Variants in TTC6 observed in about 807,000 individuals in gnomAD.
TTC6 encodes tetratricopeptide repeat protein 6.
In TTC6, 172 loss-of-function variants were observed where a neutral mutation model predicts 210.4. The ratio of observed to expected loss-of-function variants is 0.82; its 90% CI spans 0.72 to 0.93. TTC6 has a LOEUF of 0.93. Ranked by LOEUF, TTC6 falls within the 40% of genes least tolerant of loss-of-function variation. The pLI, the probability that TTC6 is intolerant of heterozygous loss-of-function variation, is 0.00. For synonymous variants in TTC6, 804 were observed against 819.6 expected (o/e 0.98, Z 0.32); for missense variants, 2,414 against 2,318.1 (o/e 1.04, Z -0.85).
intron 26 of TTC6, among the ~76,000 whole-genome samples, chr14:37,817,895 T>C (rs188563937): frequency 3.1e-4 from 47 of 152,272 alleles, no homozygotes; most frequent in African/African-American, 9.1e-4. Context: ...GGCAAATGCT[T>C]CCATCATGGC....
chr14:37,753,853 G>A (rs916333918), intron 14 of TTC6, among the ~76,000 whole-genome samples: 6 of 148,892 alleles, frequency 4.0e-5, no homozygotes, highest in African/African-American at 7.5e-5. Context: ...ATTAAACTTC[G>A]TGCATTGTAC....
chr14:37,607,191 A>G (rs182512646), intron 2 of TTC6, among the ~76,000 whole-genome samples: 2 of 152,350 alleles, frequency 1.3e-5, no homozygotes, highest in Admixed American at 1.3e-4. Context: ...GAGCTTTGCT[A>G]TAAATCAAGG....
At chr14:37,830,302 A>T (rs905955475) in intron 29 of TTC6, among the ~76,000 whole-genome samples, 4 of 152,072 alleles carry the variant, frequency 2.6e-5, no homozygotes, top group Non-Finnish European at 4.4e-5. Flanking sequence ...AGTTTTACCA[A>T]GGTATTCCTT....
chr14:37,674,867 A>G (rs2095765581), intron 1 of TTC6, among the ~76,000 whole-genome samples: 1 of 152,098 alleles, frequency 6.6e-6, no homozygotes, highest in African/African-American at 2.4e-5. Context: ...TTTACATTAC[A>G]TGTCTTTTTT....
intron 14 of TTC6, among the ~76,000 whole-genome samples, chr14:37,770,498 G>A (rs997176687): frequency 2.0e-5 from 3 of 151,636 alleles, no homozygotes; most frequent in Non-Finnish European, 2.9e-5. Context: ...TGTATTGGGT[G>A]CATATATATT....
At chr14:37,704,574 T>A (rs532443105) in intron 5 of TTC6, among the ~76,000 whole-genome samples, 1 of 152,268 alleles carries the variant, frequency 6.6e-6, no homozygotes, top group East Asian at 1.9e-4. Flanking sequence ...TCTGGAGTTG[T>A]CATTTATCTC....
chr14:37,762,320 C>T (rs549827943), intron 14 of TTC6, among the ~76,000 whole-genome samples: 2 of 152,240 alleles, frequency 1.3e-5, no homozygotes, highest in South Asian at 2.1e-4. Flanking sequence ...ATACTGATTT[C>T]AAATACTTTG....
At chr14:37,654,343 C>G (rs2095718018) in intron 1 of TTC6, among the ~76,000 whole-genome samples, 1 of 151,898 alleles carries the variant, frequency 6.6e-6, no homozygotes, top group Non-Finnish European at 1.5e-5. Context: ...TCACATTGCC[C>G]CATAAATATA....
At chr14:37,825,195 T>G (rs1420105849) in intron 27 of TTC6, among the ~76,000 whole-genome samples, 13 of 152,150 alleles carry the variant, frequency 8.5e-5, no homozygotes. Flanking sequence ...ACAGATGTGG[T>G]CTGGAGCAGA....
chr14:37,647,991 G>A (rs537473083), intron 1 of TTC6, among the ~76,000 whole-genome samples: 2 of 151,992 alleles, frequency 1.3e-5, no homozygotes, highest in African/African-American at 4.8e-5. Context: ...TAACCATAGC[G>A]TTATAACTAT....
chr14:37,776,815 G>T (rs946893275), intron 14 of TTC6, among the ~76,000 whole-genome samples: 15 of 151,920 alleles, frequency 9.9e-5, no homozygotes, highest in African/African-American at 3.1e-4. Flanking sequence ...AATCTGGGTT[G>T]GGCGGGGGCG....
intron 14 of TTC6, among the ~76,000 whole-genome samples, chr14:37,783,741 C>G (rs2096061019): frequency 6.7e-6 from 1 of 149,698 alleles, no homozygotes; most frequent in Non-Finnish European, 1.5e-5. Flanking sequence ...CATTTTAGAT[C>G]TTTCCTGCTT....
chr14:37,661,208 A>G (rs1189552035), intron 1 of TTC6, among the ~76,000 whole-genome samples: 1 of 152,000 alleles, frequency 6.6e-6, no homozygotes, highest in Non-Finnish European at 1.5e-5. Flanking sequence ...CCGTTTGTCA[A>G]TTTTTGCTTT....
At chr14:37,651,114 GAGA>G (rs1015281552) in intron 1 of TTC6, among the ~76,000 whole-genome samples, 55 of 152,030 alleles carry the variant, frequency 3.6e-4, no homozygotes, top group African/African-American at 1.3e-3. Context: ...TTAGAAAATG[GAGA>G]AGAATTTCGT....
At chr14:37,792,171 A>T (rs2096081350) in intron 16 of TTC6, 93 bp from the exon 19 acceptor site, 6 of 968,110 alleles carry the variant, frequency 6.2e-6, no homozygotes, top group Non-Finnish European at 7.3e-6. Flanking sequence ...ATGAATACTG[A>T]TGCATCTGTT....
chr14:37,771,317 G>C (rs867854891), intron 14 of TTC6, among the ~76,000 whole-genome samples: 3 of 151,844 alleles, frequency 2.0e-5, no homozygotes, highest in Non-Finnish European at 2.9e-5. Context: ...TCTTTGTGGC[G>C]TTCTCTGTAT....
chr14:37,717,446 T>TTA (rs1206220511), intron 6 of TTC6, among the ~76,000 whole-genome samples: 1 of 152,126 alleles, frequency 6.6e-6, no homozygotes, highest in East Asian at 1.9e-4. Context: ...ATTTGATTGT[T>TTA]TAGATGACGT....
chr14:37,832,334 T>A (rs1449493376), intron 29 of TTC6, among the ~76,000 whole-genome samples: 2 of 8,944 alleles, frequency 2.2e-4, no homozygotes, highest in Non-Finnish European at 7.8e-4. Flanking sequence ...TCTCTCTTTT[T>A]TTTTTTTTTT....
At chr14:37,822,418 T>G (rs551082016) in intron 26 of TTC6, among the ~76,000 whole-genome samples, 1 of 152,294 alleles carries the variant, frequency 6.6e-6, no homozygotes. Context: ...GAACAGTTTA[T>G]CCTGGGCTCC....
Sources: allele counts gnomAD v4.1 joint callset (sites outside exome capture counted in the v4.1 genomes callset), GRCh38; gene constraint gnomAD v4.1.1; transcripts MANE v1.5; gene names NCBI Gene and HGNC (gene_info 2026-07-23, HGNC 2026-07-21).